Variants in ERBB4 observed in about 807,000 individuals in gnomAD.
ERBB4 encodes receptor tyrosine-protein kinase erbB-4.
Under a neutral mutation model 158.0 loss-of-function variants are expected in ERBB4, and 42 were observed. The ratio of observed to expected loss-of-function variants is 0.27; its 90% confidence interval spans 0.21 to 0.34. The LOEUF is 0.34. ERBB4 is among the 10% of genes least tolerant of loss of function. The pLI is 1.00. For missense variants in ERBB4, 1,333 were observed against 1,624.1 expected, an observed-to-expected ratio of 0.82 and a Z score of 3.08; for synonymous variants, 583 against 558.7, an observed-to-expected ratio of 1.04 and a Z score of -0.61.
intron 1 of ERBB4, among the ~76,000 whole-genome samples, chr2:212,155,478 T>A (rs2081007974): frequency 6.6e-6 from 1 of 152,080 alleles, no homozygotes; most frequent in East Asian, 1.9e-4. Context: ...TTAAAATATA[T>A]ATTCTCTGGC....
At chr2:212,263,102 G>C (rs559999989) in intron 1 of ERBB4, among the ~76,000 whole-genome samples, 1 of 152,272 alleles carries the variant, frequency 6.6e-6, no homozygotes, top group Non-Finnish European at 1.5e-5. Context: ...GGAGAAGGCT[G>C]CATGAAGATG....
intron 2 of ERBB4, among the ~76,000 whole-genome samples, chr2:211,987,420 T>A (rs2081967394): frequency 6.6e-6 from 1 of 151,610 alleles, no homozygotes; most frequent in Non-Finnish European, 1.5e-5. Flanking sequence ...AGTAAATAAA[T>A]TGAGGTCTTT....
chr2:212,534,635 A>AT (rs1476407128), intron 1 of ERBB4, among the ~76,000 whole-genome samples: 1 of 152,206 alleles, frequency 6.6e-6, no homozygotes, highest in Non-Finnish European at 1.5e-5. Context: ...AACAAAAACA[A>AT]TATACTTAGT....
intron 3 of ERBB4, among the ~76,000 whole-genome samples, chr2:211,809,492 A>T (rs535493979): frequency 6.6e-6 from 1 of 152,270 alleles, no homozygotes; most frequent in African/African-American, 2.4e-5. Flanking sequence ...TGTTTATAGT[A>T]TTCTCTGATG....
intron 3 of ERBB4, among the ~76,000 whole-genome samples, chr2:211,804,215 A>G (rs1396495230): frequency 6.6e-6 from 1 of 152,128 alleles, no homozygotes; most frequent in African/African-American, 2.4e-5. Context: ...ATAATAACAT[A>G]AAAAATCTAA....
chr2:212,513,667 C>A (rs1434949250), intron 1 of ERBB4, among the ~76,000 whole-genome samples: 1 of 152,010 alleles, frequency 6.6e-6, no homozygotes, highest in Admixed American at 6.5e-5. Context: ...AAAAATTAGC[C>A]GGGCGTAGTG....
At chr2:212,404,445 A>G (rs1289204959) in intron 1 of ERBB4, among the ~76,000 whole-genome samples, 1 of 152,052 alleles carries the variant, frequency 6.6e-6, no homozygotes, top group East Asian at 1.9e-4. Context: ...AATATTTTTG[A>G]GCAATGACTA....
chr2:212,318,543 A>T (rs976173764), intron 1 of ERBB4, among the ~76,000 whole-genome samples: 2 of 147,700 alleles, frequency 1.4e-5, no homozygotes, highest in Admixed American at 1.4e-4. Flanking sequence ...ACAAAAAAAA[A>T]TCAGAAAAAA....
chr2:212,311,058 G>A (rs2106237074), intron 1 of ERBB4, among the ~76,000 whole-genome samples: 1 of 150,870 alleles, frequency 6.6e-6, no homozygotes, highest in East Asian at 2.0e-4. Flanking sequence ...TAGAACAGAT[G>A]TTGACAGTAC....
intron 1 of ERBB4, among the ~76,000 whole-genome samples, chr2:212,486,507 G>A (rs1003928111): frequency 6.6e-6 from 1 of 152,110 alleles, no homozygotes; most frequent in South Asian, 2.1e-4. Context: ...TTTTAATTAA[G>A]TTTGCCCCAC....
chr2:211,628,822 C>CCACATCCTCTACAACAA (rs1273288452), intron 17 of ERBB4, among the ~76,000 whole-genome samples: 1 of 152,170 alleles, frequency 6.6e-6, no homozygotes, highest in Non-Finnish European at 1.5e-5. Flanking sequence ...CACATCCTCT[C>CCACATCCTCTACAACAA]CAGCACCTGT....
chr2:211,599,802 A>C (rs144413846), intron 19 of ERBB4, among the ~76,000 whole-genome samples: 3 of 152,312 alleles, frequency 2.0e-5, no homozygotes, highest in African/African-American at 7.2e-5. Context: ...ACTTTTAACT[A>C]TTCCCAATAT....
At chr2:211,874,077 A>T (rs562318761) in intron 3 of ERBB4, among the ~76,000 whole-genome samples, 1 of 152,254 alleles carries the variant, frequency 6.6e-6, no homozygotes, top group East Asian at 1.9e-4. Context: ...AGGCGAGAGA[A>T]TCACTTGAGG....
At chr2:212,310,607 ATATGTGTG>A (rs1192543792) in intron 1 of ERBB4, among the ~76,000 whole-genome samples, 2 of 80,310 alleles carry the variant, frequency 2.5e-5, no homozygotes, top group East Asian at 3.4e-4. Context: ...ATATATATGT[ATATGTGTG>A]TGTGTGTGTG....
intron 16 of ERBB4, among the ~76,000 whole-genome samples, chr2:211,638,396 T>C (rs1249097155): frequency 6.6e-6 from 1 of 152,156 alleles, no homozygotes; most frequent in Non-Finnish European, 1.5e-5. Flanking sequence ...CTTTTTCTCC[T>C]ACAAGTAGTG....
rs1560144798 is a variant in ERBB4, at chr2:212,373,763, A to ATGTATATAT, written c.82+164685_82+164686insATATATACA. ...CATATATATATCCATGTATATATCC[A>ATGTATATAT]CGTATATATCCATGTATATATCCAC... On this transcript the variant is annotated intron_variant, in intron 1 of 27. Coordinates refer to ENST00000342788, the MANE Select transcript of ERBB4 (RefSeq NM_005235.3). Among the ~76,000 whole-genome samples the ATGTATATAT allele has an allele frequency of 5.1e-3, 625 of 121,370 alleles. 41 individuals carry two copies. In the South Asian group the frequency reaches 0.055, roughly 11 times the overall value. The allele number at this position is 121,370 out of a possible 152,430, so 79.6% of individuals were successfully genotyped here.
intron 1 of ERBB4, among the ~76,000 whole-genome samples, chr2:212,518,641 G>T (rs1159264313): frequency 6.6e-6 from 1 of 151,888 alleles, no homozygotes; most frequent in Admixed American, 6.6e-5. Context: ...TTTTTGCGAA[G>T]ATCAATCTTG....
rs865774949 is a variant in ERBB4 at position 212,191,675 on chromosome 2, C to T, written c.83-66772G>A. 3.4e-5 allele frequency among the ~76,000 whole-genome samples: 5 copies of T among 146,650 alleles called. 1 individual carries two copies. Among genetic ancestry groups the T allele is most frequent in the African/African-American group, 1.0e-4 (4 of 39,456 alleles). On this transcript the variant is annotated intron_variant, in intron 1 of 27. Coordinates refer to ENST00000342788, the MANE Select transcript of ERBB4 (RefSeq NM_005235.3). Reference sequence around the variant, plus strand: ...CATGCGTTATACATGTCATATATCGCGTGTGTTATACATGTTACATATAAC... The same window carrying T: ...CATGCGTTATACATGTCATATATCGTGTGTGTTATACATGTTACATATAAC...
At chr2:211,867,608 A>G (rs1415223875) in intron 3 of ERBB4, among the ~76,000 whole-genome samples, 1 of 152,128 alleles carries the variant, frequency 6.6e-6, no homozygotes, top group African/African-American at 2.4e-5. Context: ...TCATTTCTTT[A>G]TTTCTTTAAG....
Sources: allele counts gnomAD v4.1 joint callset (sites outside exome capture counted in the v4.1 genomes callset), GRCh38; gene constraint gnomAD v4.1.1; transcripts MANE v1.5; gene names NCBI Gene and HGNC (gene_info 2026-07-23, HGNC 2026-07-21).